Variants in PTPA observed in about 807,000 individuals in gnomAD.
The protein encoded by PTPA is protein phosphatase 2 phosphatase activator.
Under a neutral mutation model 43.6 loss-of-function variants are expected in PTPA, and 13 were observed. The ratio of observed to expected loss-of-function variants is 0.30; its 90% CI spans 0.19 to 0.47. The LOEUF is 0.47. Ranked by LOEUF, PTPA falls within the 20% of genes least tolerant of loss-of-function variation. PTPA has a pLI of 0.99. For synonymous variants in PTPA, 172 were observed against 158.2 expected (o/e 1.09, Z -0.66); for missense variants, 329 against 411.9 (o/e 0.80, Z 1.74).
chr9:129,136,567 C>T lies in PTPA; in HGVS notation c.657C>T (p.Pro219=), dbSNP rs576896363. 4.5e-5 allele frequency: 73 copies of T among 1,613,560 alleles called. No homozygotes were observed. In the Middle Eastern group the frequency reaches 8.3e-4, roughly 18 times the overall value. ...VWGLDDFQFL[P]FIWGSSQLID... Reference sequence around the variant, plus strand: ...GTCTGGATGACTTCCAGTTTCTGCCCTTCATCTGGGGCAGTTCGCAGCTGA... The same window carrying T: ...GTCTGGATGACTTCCAGTTTCTGCCTTTCATCTGGGGCAGTTCGCAGCTGA... Residue 219 remains proline, a synonymous_variant, in exon 7 of 10, where the codon CCC becomes CCT. Coordinates refer to ENST00000393370, the MANE Select transcript of PTPA (RefSeq NM_178000.3).
intron 8 of PTPA, chr9:129,142,058 G>C (rs779497066): frequency 1.7e-5 from 3 of 175,466 alleles, no homozygotes; most frequent in African/African-American, 7.1e-5. Context: ...CTGGGGAGTC[G>C]GTGGGAACGA....
In PTPA at chr9:129,123,033, TCTC is replaced by T; in HGVS notation, c.130-15_130-13del. ...CTGCCACCCCTCTCCCCATCCCCAT[TCTC>T]CTCTCTGTTTGGTAGGCATACGCTG... On this transcript the variant is annotated splice_polypyrimidine_tract_variant and intron_variant, in intron 2 of 9. Coordinates refer to ENST00000393370, the MANE Select transcript of PTPA (RefSeq NM_178000.3). The T allele has an allele frequency of 7.6e-6, 12 of 1,585,290 alleles. No homozygotes were observed. Among genetic ancestry groups the T allele is most frequent in the Non-Finnish European group, 9.5e-6 (11 of 1,159,100 alleles).
intron 1 of PTPA, chr9:129,112,046 G>T: frequency 5.5e-6 from 1 of 181,120 alleles, no homozygotes; most frequent in Non-Finnish European, 1.1e-5. Flanking sequence ...TTAGGGGATG[G>T]GGTGGTGCTC....
intron 6 of PTPA, among the ~76,000 whole-genome samples, chr9:129,135,190 C>T (rs966676014): frequency 5.3e-5 from 8 of 152,244 alleles, no homozygotes; most frequent in African/African-American, 9.6e-5. Flanking sequence ...GTCAGGTGTT[C>T]GACACCAGCC....
intron 1 of PTPA, among the ~76,000 whole-genome samples, chr9:129,116,289 A>G: frequency 6.6e-6 from 1 of 150,574 alleles, no homozygotes; most frequent in African/African-American, 2.5e-5. Context: ...GGTTCACGCC[A>G]TTCTCTCACC....
At chr9:129,128,931 C>T (rs1328390912) in intron 3 of PTPA, 54 bp from the exon 4 acceptor site, 3 of 1,603,448 alleles carry the variant, frequency 1.9e-6, no homozygotes, top group East Asian at 2.2e-5. Flanking sequence ...CCCTCTGTGG[C>T]TAAGCGGGAG....
At chr9:129,140,105 C>G (rs1850665671) in intron 8 of PTPA, 1 of 144,672 alleles carries the variant, frequency 6.9e-6, no homozygotes. Context: ...GAGCCATTTA[C>G]AAAAGGCCGA....
chr9:129,143,174 T>TC, intron 9 of PTPA: 1 of 618,602 alleles, frequency 1.6e-6, no homozygotes. Context: ...TTGGCACTGT[T>TC]CTCCCAGCCA....
intron 5 of PTPA, among the ~76,000 whole-genome samples, chr9:129,134,369 A>G (rs1181944098): frequency 8.4e-6 from 1 of 119,084 alleles, no homozygotes; most frequent in Non-Finnish European, 1.6e-5. Context: ...CAGTGGCCTT[A>G]TCATGGCTCA....
At chr9:129,145,216 A>G (rs1031214728) in intron 9 of PTPA, among the ~76,000 whole-genome samples, 1 of 151,556 alleles carries the variant, frequency 6.6e-6, no homozygotes, top group Admixed American at 6.6e-5. Flanking sequence ...CTGTAATTCC[A>G]GCTACTCAGG....
chr9:129,128,275 C>T (rs748937382), intron 3 of PTPA, among the ~76,000 whole-genome samples: 3 of 152,154 alleles, frequency 2.0e-5, no homozygotes, highest in Non-Finnish European at 4.4e-5. Context: ...GTGGCTCACG[C>T]TTGTAATCCC....
chr9:129,136,672 G>A (rs1850393043), intron 7 of PTPA, 77 bp downstream of exon 7: 7 of 1,457,898 alleles, frequency 4.8e-6, no homozygotes, highest in African/African-American at 2.8e-5. Flanking sequence ...CCCCTCCTGC[G>A]CTCCCTCCTT....
intron 4 of PTPA, among the ~76,000 whole-genome samples, chr9:129,129,774 A>G (rs969109410): frequency 2.0e-5 from 3 of 152,048 alleles, no homozygotes; most frequent in Non-Finnish European, 4.4e-5. Flanking sequence ...CGGCCCCAAA[A>G]AGGAATTTTT....
intron 5 of PTPA, among the ~76,000 whole-genome samples, chr9:129,132,711 G>A (rs1056905913): frequency 6.6e-6 from 1 of 152,224 alleles, no homozygotes; most frequent in African/African-American, 2.4e-5. Flanking sequence ...TCGAACTCCT[G>A]ACCTCTGGTG....
intron 8 of PTPA, among the ~76,000 whole-genome samples, chr9:129,141,447 G>A (rs992057097): frequency 6.6e-6 from 1 of 152,174 alleles, no homozygotes; most frequent in Non-Finnish European, 1.5e-5. Context: ...TGGGTCTGGG[G>A]TACAGAGCCC....
rs775836549 is a variant in PTPA at position 129,142,691 on chromosome 9, C to CT, written c.894+140dup. On this transcript the variant is annotated intron_variant, in intron 9 of 9. Transcript: ENST00000393370. ...TGCTCTGAATCTTAGGCCAGCCCCT[C>CT]TGACACTTGGGGCCTCGGAATCTCC... The CT allele has an allele frequency of 2.7e-5, 42 of 1,545,726 alleles. 2 individuals carry two copies. In the South Asian group the frequency reaches 4.5e-4, roughly 17 times the overall value.
chr9:129,131,810 G>A (rs1849991691), intron 5 of PTPA, among the ~76,000 whole-genome samples, 171 bp downstream of exon 5: 2 of 152,228 alleles, frequency 1.3e-5, no homozygotes, highest in Middle Eastern at 3.2e-3. Flanking sequence ...CAGGGAGGGC[G>A]TAGGCATGCA....
chr9:129,117,741 A>G (rs1438948662), intron 1 of PTPA, among the ~76,000 whole-genome samples: 1 of 145,728 alleles, frequency 6.9e-6, no homozygotes, highest in Non-Finnish European at 1.5e-5. Flanking sequence ...TCTGTCACCC[A>G]GGCTGGAGTG....
intron 3 of PTPA, 53 bp downstream of exon 3, chr9:129,123,191 T>C: frequency 6.8e-7 from 1 of 1,473,504 alleles, no homozygotes; most frequent in African/African-American, 1.4e-5. Flanking sequence ...AGCTCCAGAG[T>C]CACTGGGTGC....
Sources: allele counts gnomAD v4.1 joint callset (sites outside exome capture counted in the v4.1 genomes callset), GRCh38; gene constraint gnomAD v4.1.1; transcripts MANE v1.5; gene names NCBI Gene and HGNC (gene_info 2026-07-23, HGNC 2026-07-21).